The following TRAPPC13 variants were observed in gnomAD, a reference collection of about 807,000 sequenced individuals.
The protein encoded by TRAPPC13 is REV7-interacting novel NHEJ regulator 1.
Under a neutral mutation model 54.0 loss-of-function variants are expected in TRAPPC13, and 39 were observed. The observed-to-expected ratio is 0.72, with a 90% confidence interval of 0.56 to 0.94. The LOEUF (loss-of-function observed/expected upper bound fraction) is 0.94, where lower values mean the gene tolerates loss of function less well. Ranked by LOEUF, TRAPPC13 falls within the 40% of genes least tolerant of loss-of-function variation. The pLI is 0.00. For synonymous variants in TRAPPC13, 148 were observed against 167.7 expected (o/e 0.88, Z 0.91); for missense variants, 386 against 488.1 (o/e 0.79, Z 1.97).
chr5:65,629,353 T>C (rs72764411), intron 1 of TRAPPC13: 165,035 of 693,134 alleles, frequency 0.24, 21,725 homozygotes, highest in South Asian at 0.36. Flanking sequence ...AATAGCACTT[T>C]GGTAAAATAC....
intron 1 of TRAPPC13, among the ~76,000 whole-genome samples, chr5:65,632,745 T>C (rs898374244): frequency 3.3e-5 from 5 of 152,228 alleles, no homozygotes; most frequent in Non-Finnish European, 5.9e-5. Flanking sequence ...CGCTAGTAAA[T>C]GCTCAGTAAA....
chr5:65,642,350 A>G (rs1244518677), intron 4 of TRAPPC13, among the ~76,000 whole-genome samples: 1 of 152,044 alleles, frequency 6.6e-6, no homozygotes, highest in East Asian at 1.9e-4. Flanking sequence ...TTGTATTGCA[A>G]CATTTTCCCC....
At chr5:65,643,641 AC>A (rs1756063818) in intron 4 of TRAPPC13, among the ~76,000 whole-genome samples, 1 of 151,944 alleles carries the variant, frequency 6.6e-6, no homozygotes, top group Non-Finnish European at 1.5e-5. Flanking sequence ...ACACGGTGAA[AC>A]CCTGTGTCTA....
chr5:65,652,453 A>T, intron 6 of TRAPPC13, 48 bp from the exon 7 acceptor site: 1 of 1,321,008 alleles, frequency 7.6e-7, no homozygotes, highest in Non-Finnish European at 1.1e-6. Flanking sequence ...AAATAAATAA[A>T]TGGTCACATG....
chr5:65,665,808 T>C lies in TRAPPC13; in HGVS notation c.*1197T>C, dbSNP rs1174938952. ...TTAATGTAACAAAAAGTTTCAGTAT[T>C]TGTCAGGAAAACAAAAGCTTAGGCT... is the stretch of plus-strand genomic sequence containing the variant. On this transcript the variant is annotated 3_prime_UTR_variant, in exon 13 of 13. Transcript: ENST00000399438. 1 of 152,590 alleles carries C rather than the reference T, an allele frequency of 6.6e-6. No individual in the cohort carries two copies. The highest frequency in any genetic ancestry group is 1.5e-5 in the Non-Finnish European group (1 of 67,996). 9.5% of individuals were successfully genotyped at this position (152,590 alleles called of 1,614,324 possible).
Position 65,635,883 on chromosome 5 carries a change from A to G in TRAPPC13, c.116-61A>G, listed in dbSNP as rs1390683648. The G allele has an allele frequency of 3.9e-6, 4 of 1,026,304 alleles. No homozygotes were observed. The African/African-American group carries it at 6.7e-5, about 17-fold the overall frequency. The allele number at this position is 1,026,304 out of a possible 1,614,324, so 63.6% of individuals were successfully genotyped here. A position where few individuals can be genotyped will look rare whatever the true frequency, so the allele number is the denominator to read the frequency against. ...AAATATCTCTCCCAGCTATTTCTTTATATAAGTAAAAGTTATTTAAAGGGT... is the reference window on the plus strand; with the variant it reads ...AAATATCTCTCCCAGCTATTTCTTTGTATAAGTAAAAGTTATTTAAAGGGT... On this transcript the variant is annotated intron_variant, in intron 2 of 12. Coordinates refer to ENST00000399438, the MANE Select transcript of TRAPPC13 (RefSeq NM_024941.4).
intron 4 of TRAPPC13, among the ~76,000 whole-genome samples, chr5:65,646,090 A>C (rs1165334953): frequency 3.3e-5 from 5 of 152,232 alleles, no homozygotes; most frequent in Non-Finnish European, 7.3e-5. Context: ...AGAAAGAAAC[A>C]GGTAAACAAA....
rs558244324 is a variant in TRAPPC13, at chr5:65,638,012, G to A, written c.300+232G>A. 6.6e-5 allele frequency among the ~76,000 whole-genome samples: 10 copies of A among 151,360 alleles called. No homozygotes were observed. The South Asian group carries it at 1.7e-3, about 25-fold the overall frequency. On this transcript the variant is annotated intron_variant, in intron 4 of 12. Transcript: ENST00000399438. Reference sequence around the variant, plus strand: ...TGCACACCTGTAGTCCCAGCTACTCGGGAGGCTAAGGCAGGAGAGGCTAAG... The same window carrying A: ...TGCACACCTGTAGTCCCAGCTACTCAGGAGGCTAAGGCAGGAGAGGCTAAG...
Position 65,636,021 on chromosome 5 carries a change from C to G in TRAPPC13, c.193C>G (p.Leu65Val). 2 of 1,596,084 alleles carry G rather than the reference C, an allele frequency of 1.3e-6. No homozygotes were observed. The highest frequency in any genetic ancestry group is 1.1e-5 in the South Asian group (1 of 87,716). ...GAEVLMLGEM[L>V]TLPQNFGNIF... ...AGAAGTTTTAATGTTGGGAGAAATG[C>G]TGACTTTACCACAGAATTTTGGGTA... Residue 65 changes from leucine (L) to valine (V), a missense_variant, in exon 3 of 13, where the codon CTG becomes GTG. Coordinates refer to ENST00000399438, the MANE Select transcript of TRAPPC13 (RefSeq NM_024941.4).
At chr5:65,654,985 G>A (rs1756599418) in intron 7 of TRAPPC13, among the ~76,000 whole-genome samples, 1 of 152,162 alleles carries the variant, frequency 6.6e-6, no homozygotes, top group Non-Finnish European at 1.5e-5. Context: ...CACATCCTGG[G>A]TACCTAGAGA....
At chr5:65,652,578 T>G (rs1188316475) in intron 7 of TRAPPC13, 33 bp downstream of exon 7, 11 of 1,507,264 alleles carry the variant, frequency 7.3e-6, no homozygotes, top group Non-Finnish European at 8.3e-6. Flanking sequence ...GATTTCATAT[T>G]AAACATTAAG....
Position 65,664,986 on chromosome 5 carries a change from G to A in TRAPPC13, c.*375G>A, listed in dbSNP as rs1756985567. 6 of 202,172 alleles carry A rather than the reference G, an allele frequency of 3.0e-5. No homozygotes were observed. The Admixed American group carries it at 3.1e-4, about 11-fold the overall frequency. 12.5% of individuals were successfully genotyped at this position (202,172 alleles called of 1,614,324 possible). A position where few individuals can be genotyped will look rare whatever the true frequency, so the allele number is the denominator to read the frequency against. On this transcript the variant is annotated 3_prime_UTR_variant, in exon 13 of 13. Transcript: ENST00000399438. ...TATTTTAGGCTTTGCAGGCCGTAAG[G>A]TTTCTGTCACAAATACTGAACTCTG...
At chr5:65,628,115 A>G (rs1272856487) in intron 1 of TRAPPC13, among the ~76,000 whole-genome samples, 1 of 152,170 alleles carries the variant, frequency 6.6e-6, no homozygotes, top group Non-Finnish European at 1.5e-5. Context: ...TAACTTGCAG[A>G]TATTGGAAGG....
chr5:65,642,860 T>A (rs1756021541), intron 4 of TRAPPC13, among the ~76,000 whole-genome samples: 1 of 152,136 alleles, frequency 6.6e-6, no homozygotes, highest in Non-Finnish European at 1.5e-5. Flanking sequence ...AGCATCTCAC[T>A]CTGTTGCCCA....
At chr5:65,652,663 T>A in intron 7 of TRAPPC13, 118 bp downstream of exon 7, 1 of 789,358 alleles carries the variant, frequency 1.3e-6, no homozygotes, top group Non-Finnish European at 2.3e-6. Context: ...GTAAATTATT[T>A]GAAAAAATCA....
intron 1 of TRAPPC13, chr5:65,630,228 T>A: frequency 6.5e-7 from 1 of 1,535,928 alleles, no homozygotes; most frequent in Non-Finnish European, 8.7e-7. Context: ...ATATGGGTGT[T>A]CTGTGATATT....
In TRAPPC13 at chr5:65,637,735, C is replaced by T. The variant is rs780782428; in HGVS notation, c.255C>T (p.Ser85=). The change falls in exon 4 of 13, where the codon AGC becomes AGT. Residue 85 remains serine, a synonymous_variant. Coordinates refer to ENST00000399438, the MANE Select transcript of TRAPPC13 (RefSeq NM_024941.4). ...FLGETFSSYI[S]VHNDSNQVVK... The stretch of plus-strand genomic sequence containing the variant: ...GAGAGACCTTTTCCAGTTATATCAG[C>T]GTTCATAATGATAGCAATCAAGTTG... The T allele has an allele frequency of 7.6e-6, 12 of 1,572,972 alleles. No individual in the cohort carries two copies. Among genetic ancestry groups the T allele is most frequent in the East Asian group, 2.3e-5 (1 of 44,012 alleles).
chr5:65,641,979 T>C (rs1434272043), intron 4 of TRAPPC13, among the ~76,000 whole-genome samples: 2 of 152,120 alleles, frequency 1.3e-5, no homozygotes, highest in African/African-American at 4.8e-5. Context: ...TCATTTCATG[T>C]AGATTTTCAC....
chr5:65,625,145 C>A, intron 1 of TRAPPC13, 39 bp downstream of exon 1: 1 of 1,546,548 alleles, frequency 6.5e-7, no homozygotes, highest in Non-Finnish European at 8.9e-7. Flanking sequence ...TTTCTGTTTC[C>A]TTGCATTCCC....
Sources: gnomAD v4.1 joint callset for allele counts (sites outside exome capture counted in the v4.1 genomes callset) on GRCh38, gnomAD v4.1.1 for gene constraint, MANE v1.5 for transcripts, NCBI Gene and HGNC (gene_info 2026-07-23, HGNC 2026-07-21) for gene names.